The following NOX5 variants were observed in gnomAD, a reference collection of about 807,000 sequenced individuals.
NOX5 encodes NADPH oxidase 5, also known as NADPH oxidase, EF-hand calcium binding domain 5.
Under a neutral mutation model 85.7 loss-of-function variants are expected in NOX5, and 76 were observed. That is an observed-to-expected ratio of 0.89 (90% CI 0.74 to 1.07). NOX5 has a LOEUF of 1.07. NOX5 is among the 50% of genes least tolerant of loss of function. NOX5 has a pLI of 0.00. For synonymous variants in NOX5, 405 were observed against 401.4 expected (o/e 1.01, Z -0.11); for missense variants, 973 against 999.5 (o/e 0.97, Z 0.36).
At chr15:69,018,600 G>A (rs1054349802) in intron 1 of NOX5, among the ~76,000 whole-genome samples, 2 of 151,236 alleles carry the variant, frequency 1.3e-5, no homozygotes, top group Non-Finnish European at 2.9e-5. Flanking sequence ...GCTTCAGAGG[G>A]CGGATTCTCA....
chr15:69,017,137 G>GTATA (rs2050241071), intron 1 of NOX5, among the ~76,000 whole-genome samples: 1 of 151,644 alleles, frequency 6.6e-6, no homozygotes, highest in Admixed American at 6.6e-5. Flanking sequence ...AAATTTCTAA[G>GTATA]TATTTATTTA....
chr15:69,044,350 T>A (rs2050635785), intron 10 of NOX5, among the ~76,000 whole-genome samples: 1 of 152,118 alleles, frequency 6.6e-6, no homozygotes, highest in African/African-American at 2.4e-5. Context: ...TACCTTCTGG[T>A]GGGGAGACAG....
At chr15:69,051,224 C>T (rs1174279674) in intron 14 of NOX5, among the ~76,000 whole-genome samples, 1 of 152,138 alleles carries the variant, frequency 6.6e-6, no homozygotes, top group Non-Finnish European at 1.5e-5. Flanking sequence ...AGGCAATAAG[C>T]GGGGCTGTTG....
At chr15:69,033,520 C>T (rs1263264114) in intron 5 of NOX5, among the ~76,000 whole-genome samples, 3 of 152,098 alleles carry the variant, frequency 2.0e-5, no homozygotes, top group East Asian at 3.9e-4. Context: ...GCACCAGGCA[C>T]GGTGCTGAGC....
intron 11 of NOX5, 39 bp from the exon 12 acceptor site, chr15:69,047,374 A>AC (rs769760164): frequency 1.3e-5 from 19 of 1,512,116 alleles, no homozygotes; most frequent in African/African-American, 7.0e-5. Context: ...GACCAGCGTC[A>AC]CCCCCCATCT....
In NOX5 at chr15:69,037,181, A is replaced by C. The variant is rs2050531153; in HGVS notation, c.1342A>C (p.Ile448Leu). Reference sequence around the variant, plus strand: ...AGTGTCCCGCATGGCAGCCGTGTGCATCATGGAAGTCAACCTCCTCCCCTC... The same window carrying C: ...AGTGTCCCGCATGGCAGCCGTGTGCCTCATGGAAGTCAACCTCCTCCCCTC... Reference protein sequence around the residue: ...LAVSRMAAVCIMEVNLLPSKV... With the variant: ...LAVSRMAAVCLMEVNLLPSKV... Residue 448 changes from isoleucine to leucine, a missense_variant, in exon 8 of 16, where the codon ATC becomes CTC. Transcript: ENST00000388866. The C allele has an allele frequency of 6.2e-7, 1 of 1,613,698 alleles. No homozygotes were observed. Among genetic ancestry groups the C allele is most frequent in the Non-Finnish European group, 8.5e-7 (1 of 1,180,012 alleles).
chr15:69,019,646 G>T (rs2050274665), intron 1 of NOX5, among the ~76,000 whole-genome samples: 1 of 152,332 alleles, frequency 6.6e-6, no homozygotes, highest in East Asian at 1.9e-4. Context: ...ACAGCCTGAT[G>T]ATTCCCTTCC....
chr15:69,037,206 C>T lies in NOX5; in HGVS notation c.1367C>T (p.Ser456Phe). ...VCIMEVNLLPSKVTHLLIKRP... is the reference protein window; with the variant it reads ...VCIMEVNLLPFKVTHLLIKRP... ...ATCATGGAAGTCAACCTCCTCCCCT[C>T]CAAGGTACAAAGGTGGGGGATGGGG... The change falls in exon 8 of 16, where the codon TCC (serine) becomes TTC (phenylalanine). Residue 456 changes from serine to phenylalanine, a missense_variant. Ser to Phe is a radical substitution (Grantham distance 155). Transcript: ENST00000388866. 1.2e-6 allele frequency: 2 copies of T among 1,613,208 alleles called. No homozygotes were observed.
intron 8 of NOX5, among the ~76,000 whole-genome samples, chr15:69,038,564 A>G (rs35560391): frequency 2.6e-3 from 395 of 152,330 alleles, no homozygotes; most frequent in African/African-American, 8.9e-3. Flanking sequence ...TCACAGGGAT[A>G]CGTCACAGAG....
Position 69,049,145 on chromosome 15 carries a change from C to A in NOX5, c.1999+87C>A. 9.2e-6 allele frequency: 7 copies of A among 764,358 alleles called. No individual in the cohort carries two copies. In the South Asian group the frequency reaches 1.5e-4, roughly 16 times the overall value. The allele number at this position is 764,358 out of a possible 1,614,324, so 47.3% of individuals were successfully genotyped here. ...AAAAATAATTTATTGATATGAAACT[C>A]ACGTAACCTAAAATGAACCATTTAA... On this transcript the variant is annotated intron_variant, in intron 14 of 15. Coordinates refer to ENST00000388866, the MANE Select transcript of NOX5 (RefSeq NM_024505.4).
rs549409784 is a variant in NOX5 at position 69,037,150 on chromosome 15, A to C, written c.1311A>C (p.Gly437=). ...TGTTTTTCCTGGAGAAGGCCATCGG[A>C]CTGGCAGTGTCCCGCATGGCAGCCG... ...GILFFLEKAI[G]LAVSRMAAVC... The change falls in exon 8 of 16, where the codon GGA becomes GGC. Residue 437 remains glycine, a synonymous_variant. Transcript: ENST00000388866. 1.2e-6 allele frequency: 2 copies of C among 1,613,980 alleles called. No homozygotes were observed. Among genetic ancestry groups the C allele is most frequent in the Non-Finnish European group, 1.7e-6 (2 of 1,180,018 alleles).
intron 1 of NOX5, among the ~76,000 whole-genome samples, chr15:69,021,492 A>G (rs535841200): frequency 1.3e-5 from 2 of 151,690 alleles, no homozygotes; most frequent in African/African-American, 2.4e-5. Flanking sequence ...TAATTTTTGT[A>G]TTTTTAGTAG....
intron 3 of NOX5, 77 bp from the exon 4 acceptor site, chr15:69,031,441 G>T: frequency 1.4e-6 from 2 of 1,473,290 alleles, no homozygotes; most frequent in Non-Finnish European, 9.1e-7. Flanking sequence ...TCAGTTGCAT[G>T]GTCTATACCC....
At chr15:69,053,302 A>C (rs1264367589) in intron 14 of NOX5, among the ~76,000 whole-genome samples, 1 of 152,196 alleles carries the variant, frequency 6.6e-6, no homozygotes, top group East Asian at 1.9e-4. Flanking sequence ...TACCCACCTC[A>C]TAGGATTGTC....
rs544442849 is a variant in NOX5, at chr15:69,054,483, CT to C, written c.2000-849del. Among the ~76,000 whole-genome samples, 5 of 152,310 alleles carry C rather than the reference CT, an allele frequency of 3.3e-5. No individual in the cohort carries two copies. In the East Asian group the frequency reaches 9.7e-4, roughly 29 times the overall value. ...GTCTCCTAGCTGGGCATTCAAGACC[CT>C]TCTCATTCTGGCCTCAATCTGTTTC... On this transcript the variant is annotated intron_variant, in intron 14 of 15. Transcript: ENST00000388866.
In NOX5 at chr15:69,057,551, G is replaced by A. The variant is rs2140286650; in HGVS notation, c.*855G>A. 1 of 152,296 alleles carries A rather than the reference G, an allele frequency of 6.6e-6. No homozygotes were observed. Among genetic ancestry groups the A allele is most frequent in the South Asian group, 2.1e-4 (1 of 4,808 alleles). 9.4% of individuals were successfully genotyped at this position (152,296 alleles called of 1,614,324 possible). ...CCTCTTCCTTCTCTCTGTGTGCTGA[G>A]TCGCTTGAGAAACAGGATGGAGACA... is the stretch of plus-strand genomic sequence containing the variant. On this transcript the variant is annotated 3_prime_UTR_variant, in exon 16 of 16. Transcript: ENST00000388866.
rs58507726 is a variant in NOX5, at chr15:69,015,699, AC to A, written c.50+916del. Among the ~76,000 whole-genome samples, 1,315 of 152,284 alleles carry A rather than the reference AC, an allele frequency of 8.6e-3. 19 individuals are homozygous for A. Among genetic ancestry groups the A allele is most frequent in the African/African-American group, 0.03 (1,249 of 41,552 alleles). ...GGCAAGAACATATTGCAGTTTGGGA[AC>A]CACTAGTCATTAGGTGAGTGCTCTT... On this transcript the variant is annotated intron_variant, in intron 1 of 15. Transcript: ENST00000388866.
intron 5 of NOX5, among the ~76,000 whole-genome samples, chr15:69,034,072 T>TAGCTAAA (rs781158321): frequency 1.4e-3 from 207 of 152,304 alleles, no homozygotes; most frequent in Non-Finnish European, 2.4e-3. Context: ...CTATTATCAT[T>TAGCTAAA]AGCTAATAGA....
rs2050558068 is a variant in NOX5 at position 69,038,978 on chromosome 15, CT to C, written c.1494del (p.Glu499SerfsTer41). On this transcript the variant is annotated frameshift_variant, in exon 9 of 16. Transcript: ENST00000388866. LOFTEE classifies it high-confidence loss of function. ...CACCCCTTCACCATCAGCAGTGCTC[CT>C]GAGCAGAAAGGTAATGGCCACCTCC... ...EWHPFTISSA[P>X]EQKDTIWLHI... 1.2e-6 allele frequency: 2 copies of C among 1,614,180 alleles called. No individual in the cohort carries two copies. Among genetic ancestry groups the C allele is most frequent in the African/African-American group, 2.7e-5 (2 of 75,044 alleles).
Sources: allele counts gnomAD v4.1 joint callset (sites outside exome capture counted in the v4.1 genomes callset), GRCh38; gene constraint gnomAD v4.1.1; transcripts MANE v1.5; gene names NCBI Gene and HGNC (gene_info 2026-07-23, HGNC 2026-07-21).